The following RBM25 variants were observed in gnomAD, a reference collection of about 807,000 sequenced individuals.
RBM25 encodes the protein RNA binding motif protein 25.
In RBM25, 19 loss-of-function variants were observed where a neutral mutation model predicts 120.7. The observed-to-expected ratio is 0.16, with a 90% CI of 0.11 to 0.23. The LOEUF (loss-of-function observed/expected upper bound fraction) is 0.23. Among genes scored for constraint, RBM25 ranks in the 10% least tolerant of loss-of-function variants. The probability of loss-of-function intolerance (pLI) is 1.00; values close to 1 mark genes in which losing one functional copy is unlikely to be tolerated. For synonymous variants in RBM25, 390 were observed against 326.7 expected (o/e 1.19, Z -2.09); for missense variants, 605 against 1,041.5 (o/e 0.58, Z 5.77).
chr14:73,123,479 T>C lies in RBM25; in HGVS notation c.*3674T>C, dbSNP rs1035778434. On this transcript the variant is annotated 3_prime_UTR_variant, in exon 19 of 19. Transcript: ENST00000261973. ...TTAAGTATGAAATTGAGAAATAGTT[T>C]TGCTCAACAAAAGATGATGAGGGAT... The C allele has an allele frequency of 6.6e-6, 1 of 152,156 alleles. No homozygotes were observed. The highest frequency in any genetic ancestry group is 1.5e-5 in the Non-Finnish European group (1 of 68,032). The allele number at this position is 152,156 out of a possible 1,614,324, so 9.4% of individuals were successfully genotyped here.
intron 1 of RBM25, chr14:73,069,750 A>T (rs1401365918): frequency 2.8e-5 from 1 of 35,336 alleles, no homozygotes; most frequent in Non-Finnish European, 7.6e-5. Flanking sequence ...GTTTCTTAAA[A>T]AAAAAAAAAA....
At position 73,099,409 on chromosome 14, in the gene RBM25, G is replaced by T. The variant is rs1788156959; in HGVS notation, c.759G>T (p.Leu253=). ...DIFRRFPVAP[L]IPYPLITKED... is the part of the protein sequence containing the mutation. ...TCCGCAGATTTCCAGTGGCCCCACT[G>T]ATCCCTTATCCACTCATCACTAAGG... Residue 253 remains leucine, a synonymous_variant, in exon 8 of 19, where the codon CTG becomes CTT. Transcript: ENST00000261973. The T allele has an allele frequency of 6.2e-7, 1 of 1,605,320 alleles. No individual in the cohort carries two copies. The highest frequency in any genetic ancestry group is 1.1e-5 in the South Asian group (1 of 88,724).
intron 3 of RBM25, 43 bp from the exon 4 acceptor site, chr14:73,077,326 A>AT (rs939834512): frequency 6.6e-7 from 1 of 1,519,164 alleles, no homozygotes; most frequent in African/African-American, 1.4e-5. Context: ...GTGGTAGGAA[A>AT]TTTAATTGCT....
intron 9 of RBM25, chr14:73,100,038 A>C: frequency 2.1e-6 from 1 of 473,530 alleles, no homozygotes; most frequent in Non-Finnish European, 3.6e-6. Context: ...TCAAGGTCAG[A>C]CTTAAATTAG....
intron 5 of RBM25, among the ~76,000 whole-genome samples, chr14:73,086,289 T>G (rs1895683573): frequency 6.6e-6 from 1 of 151,780 alleles, no homozygotes; most frequent in African/African-American, 2.4e-5. Flanking sequence ...AATACAGAAA[T>G]TAGCTGAGTG....
At chr14:73,063,400 C>T (rs1470889122) in intron 1 of RBM25, among the ~76,000 whole-genome samples, 4 of 151,216 alleles carry the variant, frequency 2.6e-5, no homozygotes, top group East Asian at 1.9e-4. Context: ...CCACCCACCT[C>T]GGCCTCCCAA....
chr14:73,099,294 C>A, intron 7 of RBM25, 86 bp from the exon 8 acceptor site: 1 of 1,211,182 alleles, frequency 8.3e-7, no homozygotes, highest in Non-Finnish European at 1.2e-6. Flanking sequence ...TTGTTCACGT[C>A]ATAAATGTAT....
At chr14:73,087,638 A>C (rs952049938) in intron 5 of RBM25, among the ~76,000 whole-genome samples, 2 of 147,734 alleles carry the variant, frequency 1.4e-5, no homozygotes, top group African/African-American at 5.0e-5. Flanking sequence ...CTCGTGATCC[A>C]CCCGCCTCGG....
Position 73,123,464 on chromosome 14 carries a change from A to G in RBM25, c.*3659A>G, listed in dbSNP as rs1896569136. 6.6e-6 allele frequency: 1 copy of G among 152,160 alleles called. No individual in the cohort carries two copies. 9.4% of individuals were successfully genotyped at this position (152,160 alleles called of 1,614,324 possible). A position where few individuals can be genotyped will look rare whatever the true frequency, so the allele number is the denominator to read the frequency against. On this transcript the variant is annotated 3_prime_UTR_variant, in exon 19 of 19. Transcript: ENST00000261973. The stretch of plus-strand genomic sequence containing the variant: ...TATTTCAGTCTTCTGTTAAGTATGA[A>G]ATTGAGAAATAGTTTTGCTCAACAA...
chr14:73,061,067 T>A (rs1291732060), intron 1 of RBM25, among the ~76,000 whole-genome samples: 1 of 150,330 alleles, frequency 6.7e-6, no homozygotes, highest in Non-Finnish European at 1.5e-5. Context: ...TTTTTTTTTT[T>A]CCTTTTTGGA....
intron 7 of RBM25, among the ~76,000 whole-genome samples, chr14:73,099,094 A>G (rs921340316): frequency 6.6e-5 from 10 of 152,152 alleles, no homozygotes; most frequent in Non-Finnish European, 1.3e-4. Context: ...GGCAGGAGTT[A>G]TGGGTAAATA....
chr14:73,106,186 AT>A lies in RBM25; in HGVS notation c.1378-3del. 2 of 1,579,766 alleles carry A rather than the reference AT, an allele frequency of 1.3e-6. No individual in the cohort carries two copies. The highest frequency in any genetic ancestry group is 2.0e-5 in the Admixed American group (1 of 50,904). ...AAATTTTTAAAGCTTTGAAAATTTAATTTTTTTAGCGCCTTAAGAATTGGGA... is the reference window on the plus strand; with the variant it reads ...AAATTTTTAAAGCTTTGAAAATTTAATTTTTTAGCGCCTTAAGAATTGGGA... On this transcript the variant is annotated splice_polypyrimidine_tract_variant and intron_variant, in intron 11 of 18. Transcript: ENST00000261973.
At chr14:73,068,387 A>ATTTTT (rs34314453) in intron 1 of RBM25, 23 of 476,968 alleles carry the variant, frequency 4.8e-5, no homozygotes, top group South Asian at 1.6e-4. Context: ...CTTGTATTTG[A>ATTTTT]TTTTTTTTTT....
At chr14:73,078,816 C>T (rs576035232) in intron 4 of RBM25, among the ~76,000 whole-genome samples, 9 of 152,106 alleles carry the variant, frequency 5.9e-5, no homozygotes, top group Admixed American at 6.6e-5. Context: ...GTTATCCAGA[C>T]TTGTCTTGAA....
At chr14:73,115,153 CGTGTGTGTGTGTGTGTGTGTGTGT>C (rs33924709) in intron 18 of RBM25, among the ~76,000 whole-genome samples, 18 of 146,792 alleles carry the variant, frequency 1.2e-4, no homozygotes, top group South Asian at 1.1e-3. Flanking sequence ...GGAACTGATA[CGTGTGTGTGTGTGTGTGTGTGTGT>C]GTGTGTGTGT....
At chr14:73,094,700 A>AT (rs1379028048) in intron 6 of RBM25, among the ~76,000 whole-genome samples, 2 of 151,330 alleles carry the variant, frequency 1.3e-5, no homozygotes, top group Non-Finnish European at 2.9e-5. Context: ...GAATTTTTGT[A>AT]TTTTTTTAGT....
At chr14:73,074,025 T>A (rs1471088499) in intron 2 of RBM25, among the ~76,000 whole-genome samples, 1 of 152,232 alleles carries the variant, frequency 6.6e-6, no homozygotes, top group Non-Finnish European at 1.5e-5. Context: ...GAAAGGAAAT[T>A]CTATTGAGAA....
chr14:73,065,849 CT>C (rs1421627823), intron 1 of RBM25, among the ~76,000 whole-genome samples: 1 of 151,718 alleles, frequency 6.6e-6, no homozygotes, highest in African/African-American at 2.4e-5. Context: ...GCCACCGCCC[CT>C]GACCGAGAGT....
chr14:73,088,182 T>C (rs80292384), intron 6 of RBM25, 21 bp downstream of exon 6: 146,615 of 1,613,052 alleles, frequency 0.091, 7,224 homozygotes, highest in East Asian at 0.17. Flanking sequence ...TGTCGTGTTA[T>C]CTTTTCTAGG....
Sources: allele counts gnomAD v4.1 joint callset (sites outside exome capture counted in the v4.1 genomes callset), GRCh38; gene constraint gnomAD v4.1.1; transcripts MANE v1.5; gene names NCBI Gene and HGNC (gene_info 2026-07-23, HGNC 2026-07-21).